GATAD2B: variants seen among roughly 807,000 people sequenced by gnomAD.
GATAD2B encodes GATA zinc finger domain containing 2B, also known as transcriptional repressor p66-beta.
GATAD2B carries 8 observed loss-of-function variants against 64.3 expected under a neutral mutation model. That is an observed-to-expected ratio of 0.12 (90% CI 0.07 to 0.22). The LOEUF is 0.22. Among genes scored for constraint, GATAD2B ranks in the 10% least tolerant of loss-of-function variants. The pLI, the probability that GATAD2B is intolerant of heterozygous loss-of-function variation, is 1.00. For missense variants in GATAD2B, 453 were observed against 752.0 expected, an observed-to-expected ratio of 0.60 and a Z score of 4.65; for synonymous variants, 281 against 271.3, an observed-to-expected ratio of 1.04 and a Z score of -0.35.
At chr1:153,870,433 C>T (rs1247335431) in intron 1 of GATAD2B, among the ~76,000 whole-genome samples, 2 of 152,044 alleles carry the variant, frequency 1.3e-5, no homozygotes, top group African/African-American at 2.4e-5. Flanking sequence ...ATTAGCCGGA[C>T]GTGGTGGCGG....
At chr1:153,889,636 A>T (rs1490076783) in intron 1 of GATAD2B, 2 of 649,920 alleles carry the variant, frequency 3.1e-6, no homozygotes, top group South Asian at 6.9e-5. Context: ...TGGCAAGAGG[A>T]AAGTTGTAGA....
At chr1:153,858,709 T>G (rs1676171162) in intron 1 of GATAD2B, among the ~76,000 whole-genome samples, 1 of 152,076 alleles carries the variant, frequency 6.6e-6, no homozygotes, top group Non-Finnish European at 1.5e-5. Context: ...CCAGCCTAGG[T>G]GACAAGGCAA....
At chr1:153,879,490 G>A (rs1006980845) in intron 1 of GATAD2B, among the ~76,000 whole-genome samples, 3 of 152,156 alleles carry the variant, frequency 2.0e-5, no homozygotes, top group African/African-American at 7.2e-5. Context: ...CAGGCCGGGT[G>A]CAGTGGCTCA....
chr1:153,892,394 T>C (rs372499904), intron 1 of GATAD2B, among the ~76,000 whole-genome samples: 1 of 152,080 alleles, frequency 6.6e-6, no homozygotes, highest in South Asian at 2.1e-4. Flanking sequence ...CTAATAAGTA[T>C]TCCCTCCTAT....
chr1:153,881,165 A>G (rs1677000058), intron 1 of GATAD2B, among the ~76,000 whole-genome samples: 1 of 152,050 alleles, frequency 6.6e-6, no homozygotes, highest in East Asian at 1.9e-4. Flanking sequence ...GAGCGCGCGC[A>G]CATTCTCATT....
chr1:153,858,677 G>C (rs1353619709), intron 1 of GATAD2B, among the ~76,000 whole-genome samples: 1 of 152,098 alleles, frequency 6.6e-6, no homozygotes, highest in Non-Finnish European at 1.5e-5. Flanking sequence ...GCTGAAGTGA[G>C]CCATGACTGT....
intron 1 of GATAD2B, among the ~76,000 whole-genome samples, chr1:153,875,876 A>G (rs189452107): frequency 3.0e-4 from 46 of 152,216 alleles, no homozygotes; most frequent in Admixed American, 2.9e-3. Context: ...CTCTGGAGAT[A>G]TAATTATCCT....
At chr1:153,912,917 A>T (rs1467430729) in intron 1 of GATAD2B, among the ~76,000 whole-genome samples, 1 of 151,590 alleles carries the variant, frequency 6.6e-6, no homozygotes, top group African/African-American at 2.4e-5. Flanking sequence ...ACATGGTGAA[A>T]CCCTGTCTCT....
intron 1 of GATAD2B, chr1:153,852,526 C>G (rs183017881): frequency 1.3e-6 from 1 of 766,228 alleles, no homozygotes; most frequent in Non-Finnish European, 2.4e-6. Context: ...TCAGTATCAT[C>G]GTATCCAATA....
chr1:153,885,857 C>T (rs1362396511), intron 1 of GATAD2B, among the ~76,000 whole-genome samples: 6 of 141,482 alleles, frequency 4.2e-5, no homozygotes, highest in Non-Finnish European at 9.1e-5. Flanking sequence ...AGCAAGACTC[C>T]GTCTCCAAAA....
chr1:153,852,075 C>A, intron 1 of GATAD2B: 1 of 542,178 alleles, frequency 1.8e-6, no homozygotes, highest in Non-Finnish European at 3.4e-6. Context: ...CTGGCCGCAT[C>A]ATTCACTGGT....
chr1:153,901,210 C>T lies in GATAD2B; in HGVS notation c.-2+21523G>A, dbSNP rs1011498551. ...GCCTGGGCAACAGAGCAAAATTCTA[C>T]CTCAAAAAAAAAAAAAAATTTATAT... On this transcript the variant is annotated intron_variant, in intron 1 of 10. Coordinates refer to ENST00000368655, the MANE Select transcript of GATAD2B (RefSeq NM_020699.4). Among the ~76,000 whole-genome samples the T allele has an allele frequency of 2.2e-5, 3 of 138,042 alleles. No homozygotes were observed. The East Asian group carries it at 6.3e-4, about 29-fold the overall frequency. The allele number at this position is 138,042 out of a possible 152,430, so 90.6% of individuals were successfully genotyped here.
intron 1 of GATAD2B, among the ~76,000 whole-genome samples, chr1:153,903,999 T>G (rs1677854062): frequency 6.6e-6 from 1 of 151,874 alleles, no homozygotes; most frequent in Non-Finnish European, 1.5e-5. Flanking sequence ...TAAATAGATA[T>G]GCCAGGCCCG....
chr1:153,912,431 A>G (rs1678133967), intron 1 of GATAD2B, among the ~76,000 whole-genome samples: 1 of 152,262 alleles, frequency 6.6e-6, no homozygotes, highest in African/African-American at 2.4e-5. Context: ...AGAGAATGAC[A>G]CAGTAACACA....
intron 1 of GATAD2B, among the ~76,000 whole-genome samples, chr1:153,860,049 G>A (rs1420310278): frequency 6.6e-6 from 1 of 151,076 alleles, no homozygotes; most frequent in Non-Finnish European, 1.5e-5. Flanking sequence ...CCAAGTAGCT[G>A]GGATTACAGG....
At chr1:153,864,208 A>G (rs1335241181) in intron 1 of GATAD2B, among the ~76,000 whole-genome samples, 2 of 152,190 alleles carry the variant, frequency 1.3e-5, no homozygotes, top group Admixed American at 6.6e-5. Context: ...CAGTTGGGAG[A>G]AAGTGCACTC....
intron 1 of GATAD2B, among the ~76,000 whole-genome samples, chr1:153,865,644 G>T (rs1012947220): frequency 2.0e-5 from 3 of 152,104 alleles, no homozygotes; most frequent in Non-Finnish European, 4.4e-5. Context: ...TCTGCCATAA[G>T]AATAACATAT....
chr1:153,819,773 AAAGTT>A, intron 2 of GATAD2B, 38 bp from the exon 3 acceptor site: 1 of 1,563,394 alleles, frequency 6.4e-7, no homozygotes, highest in African/African-American at 1.4e-5. Flanking sequence ...ATTTCCAACA[AAAGTT>A]AAGAAAACTT....
At chr1:153,861,790 A>AAAAAAAAAAAAAC (rs1676293714) in intron 1 of GATAD2B, among the ~76,000 whole-genome samples, 1 of 92,118 alleles carries the variant, frequency 1.1e-5, no homozygotes, top group South Asian at 3.6e-4. Context: ...TCAAAAAAAA[A>AAAAAAAAAAAAAC]AAAAAATATA....
Sources: gnomAD v4.1 joint callset for allele counts (sites outside exome capture counted in the v4.1 genomes callset) on GRCh38, gnomAD v4.1.1 for gene constraint, MANE v1.5 for transcripts, NCBI Gene and HGNC (gene_info 2026-07-23, HGNC 2026-07-21) for gene names.